Variants in RAB3C observed in about 807,000 individuals in gnomAD.
RAB3C encodes ras-related protein Rab-3C.
Under a neutral mutation model 26.4 loss-of-function variants are expected in RAB3C, and 17 were observed. The observed-to-expected ratio is 0.64, with a 90% CI of 0.44 to 0.97. RAB3C has a LOEUF of 0.97. RAB3C is among the 50% of genes least tolerant of loss of function. The probability of loss-of-function intolerance (pLI) is 0.00; values close to 1 mark genes in which losing one functional copy is unlikely to be tolerated. For missense variants in RAB3C, 242 were observed against 281.9 expected, an observed-to-expected ratio of 0.86 and a Z score of 1.01; for synonymous variants, 91 against 95.9, an observed-to-expected ratio of 0.95 and a Z score of 0.30.
chr5:58,605,008 A>G (rs158961), intron 1 of RAB3C, among the ~76,000 whole-genome samples: 37,078 of 151,932 alleles, frequency 0.24, 4,778 homozygotes, highest in Admixed American at 0.27. Context: ...CTCTACCCCT[A>G]TATTTCTCTT....
At chr5:58,626,047 A>C (rs1053750594) in intron 2 of RAB3C, among the ~76,000 whole-genome samples, 3 of 152,138 alleles carry the variant, frequency 2.0e-5, no homozygotes, top group African/African-American at 7.2e-5. Flanking sequence ...ATGAAAGATA[A>C]GCCAACTTGA....
At chr5:58,810,892 C>T (rs559472715) in intron 3 of RAB3C, among the ~76,000 whole-genome samples, 1 of 152,208 alleles carries the variant, frequency 6.6e-6, no homozygotes, top group African/African-American at 2.4e-5. Context: ...CCACCGTGCC[C>T]AGCCCCTTAT....
At chr5:58,714,594 G>A (rs1263340367) in intron 2 of RAB3C, among the ~76,000 whole-genome samples, 1 of 152,024 alleles carries the variant, frequency 6.6e-6, no homozygotes, top group Non-Finnish European at 1.5e-5. Flanking sequence ...GACTTAGGGA[G>A]TAAAAAATCA....
At chr5:58,647,605 A>G (rs1579836147) in intron 2 of RAB3C, 1 of 152,254 alleles carries the variant, frequency 6.6e-6, no homozygotes, top group African/African-American at 2.4e-5. Context: ...CTGAATAATC[A>G]TTTTCTCTCT....
At chr5:58,728,727 A>G (rs551533126) in intron 3 of RAB3C, among the ~76,000 whole-genome samples, 1 of 152,170 alleles carries the variant, frequency 6.6e-6, no homozygotes, top group South Asian at 2.1e-4. Flanking sequence ...GAATTTTTCA[A>G]GGCTCCACAG....
intron 3 of RAB3C, among the ~76,000 whole-genome samples, chr5:58,769,368 A>C (rs2111986231): frequency 6.6e-6 from 1 of 152,092 alleles, no homozygotes; most frequent in African/African-American, 2.4e-5. Flanking sequence ...TAAAGTATTA[A>C]AGTATGTGTA....
rs187351418 is a variant in RAB3C, at chr5:58,625,662, G to T, written c.252+7792G>T. ...TCACGAGGTCAGGAGTTTGAGACCA[G>T]CCTGACCAACGTGGTGAAAACCCGT... is the stretch of plus-strand genomic sequence containing the variant. On this transcript the variant is annotated intron_variant, in intron 2 of 4. Coordinates refer to ENST00000282878, the MANE Select transcript of RAB3C (RefSeq NM_138453.4). Among the ~76,000 whole-genome samples, 554 of 152,082 alleles carry T rather than the reference G, an allele frequency of 3.6e-3. 3 individuals carry two copies. The highest frequency in any genetic ancestry group is 0.012 in the African/African-American group (509 of 41,484).
intron 2 of RAB3C, among the ~76,000 whole-genome samples, chr5:58,702,578 CTCTT>C (rs765460257): frequency 1.9e-5 from 2 of 107,718 alleles, no homozygotes; most frequent in Non-Finnish European, 4.0e-5. Context: ...TTCTCTCTCT[CTCTT>C]TCTTTTTCTT....
At chr5:58,820,607 A>C (rs1743315534) in intron 3 of RAB3C, among the ~76,000 whole-genome samples, 1 of 150,418 alleles carries the variant, frequency 6.6e-6, no homozygotes, top group African/African-American at 2.5e-5. Flanking sequence ...TTATTTCATT[A>C]AAAAGAAAAC....
At chr5:58,648,281 T>G (rs2111780924) in intron 2 of RAB3C, among the ~76,000 whole-genome samples, 1 of 152,306 alleles carries the variant, frequency 6.6e-6, no homozygotes, top group East Asian at 1.9e-4. Flanking sequence ...TGATTTTGTT[T>G]ATTTACCCAT....
intron 2 of RAB3C, among the ~76,000 whole-genome samples, chr5:58,645,565 C>T (rs746199108): frequency 1.2e-4 from 18 of 152,106 alleles, no homozygotes; most frequent in African/African-American, 4.1e-4. Context: ...TGCCAGGCAT[C>T]GTGTTCAAAG....
chr5:58,682,976 C>A (rs959156628), intron 2 of RAB3C, among the ~76,000 whole-genome samples: 1 of 152,172 alleles, frequency 6.6e-6, no homozygotes, highest in Non-Finnish European at 1.5e-5. Context: ...ATTAAACATG[C>A]AACAAACGAT....
intron 2 of RAB3C, among the ~76,000 whole-genome samples, chr5:58,618,946 A>G (rs1232673817): frequency 6.6e-6 from 1 of 152,176 alleles, no homozygotes; most frequent in Non-Finnish European, 1.5e-5. Flanking sequence ...AAATATGGAA[A>G]GCTAAAAACA....
At chr5:58,625,577 G>A (rs1013147531) in intron 2 of RAB3C, among the ~76,000 whole-genome samples, 14 of 152,144 alleles carry the variant, frequency 9.2e-5, no homozygotes, top group South Asian at 2.1e-4. Context: ...TTCAAATACC[G>A]GCCGGGCACT....
intron 3 of RAB3C, among the ~76,000 whole-genome samples, chr5:58,774,906 G>A (rs183516371): frequency 7.2e-5 from 11 of 152,260 alleles, no homozygotes; most frequent in Admixed American, 3.9e-4. Flanking sequence ...CAGGGGACCA[G>A]ATCTTGAGGG....
At chr5:58,721,429 G>T (rs1740758854) in intron 2 of RAB3C, among the ~76,000 whole-genome samples, 1 of 151,668 alleles carries the variant, frequency 6.6e-6, no homozygotes, top group Non-Finnish European at 1.5e-5. Context: ...ATCAGCTAGG[G>T]AGAGGAACAA....
chr5:58,704,573 A>G (rs1748907625), intron 2 of RAB3C, among the ~76,000 whole-genome samples: 1 of 152,192 alleles, frequency 6.6e-6, no homozygotes, highest in South Asian at 2.1e-4. Flanking sequence ...TACACAAAAG[A>G]AATGCTATAC....
Position 58,857,449 on chromosome 5 carries a change from A to G in RAB3C, c.*6098A>G, listed in dbSNP as rs1339173465. 3 of 152,158 alleles carry G rather than the reference A, an allele frequency of 2.0e-5. No homozygotes were observed. Among genetic ancestry groups the G allele is most frequent in the African/African-American group, 7.2e-5 (3 of 41,444 alleles). 9.4% of individuals were successfully genotyped at this position (152,158 alleles called of 1,614,324 possible). A position where few individuals can be genotyped will look rare whatever the true frequency, so the allele number is the denominator to read the frequency against. On this transcript the variant is annotated 3_prime_UTR_variant, in exon 5 of 5. Transcript: ENST00000282878. ...CAAAATTTTCTTTAAGTGTCATATA[A>G]AAGTGTACATTTTACTTTTAAGCAA...
intron 3 of RAB3C, among the ~76,000 whole-genome samples, chr5:58,771,897 G>A (rs1191141316): frequency 7.0e-6 from 1 of 143,710 alleles, no homozygotes; most frequent in Non-Finnish European, 1.5e-5. Context: ...TAATGGCAAA[G>A]TCCACCTCTC....
Sources: allele counts gnomAD v4.1 joint callset (sites outside exome capture counted in the v4.1 genomes callset), GRCh38; gene constraint gnomAD v4.1.1; transcripts MANE v1.5; gene names NCBI Gene and HGNC (gene_info 2026-07-23, HGNC 2026-07-21).